Variants in TMEM59 observed in about 807,000 individuals in gnomAD.
TMEM59 encodes dendritic cell factor 1.
Under a neutral mutation model 42.2 loss-of-function variants are expected in TMEM59, and 44 were observed. That is an observed-to-expected ratio of 1.04 (90% CI 0.82 to 1.34). The LOEUF is 1.34. TMEM59 is among the 40% of genes most tolerant of loss of function. The pLI is 0.00. For synonymous variants in TMEM59, 148 were observed against 145.8 expected (o/e 1.02, Z -0.11); for missense variants, 359 against 382.8 (o/e 0.94, Z 0.52).
At chr1:54,044,360 A>AAAAAAAAAAT in intron 3 of TMEM59, 1 of 150,604 alleles carries the variant, frequency 6.6e-6, no homozygotes, top group African/African-American at 2.4e-5. Context: ...AAAAAAAAAA[A>AAAAAAAAAAT]GGATTTTGAC....
intron 3 of TMEM59, among the ~76,000 whole-genome samples, chr1:54,045,176 T>C (rs535787712): frequency 6.6e-6 from 1 of 152,282 alleles, no homozygotes; most frequent in African/African-American, 2.4e-5. Flanking sequence ...CAGTTTGGAC[T>C]TAAATCTATA....
At chr1:54,040,914 TAC>T (rs1387977382) in intron 5 of TMEM59, 77 bp from the exon 6 acceptor site, 1 of 1,111,138 alleles carries the variant, frequency 9.0e-7, no homozygotes, top group Admixed American at 1.8e-5. Context: ...TCTAGATATA[TAC>T]ACTTTACAGA....
intron 1 of TMEM59, 196 bp from the exon 2 acceptor site, chr1:54,047,568 T>C: frequency 2.0e-6 from 1 of 497,298 alleles, no homozygotes; most frequent in Admixed American, 4.2e-5. Flanking sequence ...TTCCTTATTT[T>C]AAAAGTGATA....
At chr1:54,043,965 T>C (rs1171537140) in intron 3 of TMEM59, 1 of 152,138 alleles carries the variant, frequency 6.6e-6, no homozygotes, top group African/African-American at 2.4e-5. Context: ...ATCAGAAGAA[T>C]ATATACATAA....
chr1:54,046,063 G>A (rs1006202769), intron 2 of TMEM59, among the ~76,000 whole-genome samples: 3 of 152,064 alleles, frequency 2.0e-5, no homozygotes, highest in African/African-American at 7.2e-5. Context: ...CTTGTGTGGT[G>A]GAAAATGCAC....
intron 7 of TMEM59, chr1:54,033,593 CTCTG>C (rs1026732408): frequency 3.9e-5 from 5 of 127,850 alleles, no homozygotes; most frequent in African/African-American, 1.6e-4. Context: ...CAGAGTGAGA[CTCTG>C]TCTCACAAAA....
chr1:54,037,003 A>T (rs938537214), intron 6 of TMEM59, among the ~76,000 whole-genome samples: 1 of 152,340 alleles, frequency 6.6e-6, no homozygotes, highest in South Asian at 2.1e-4. Flanking sequence ...TGCTAAATAT[A>T]TAAGGCAAGT....
intron 7 of TMEM59, among the ~76,000 whole-genome samples, chr1:54,032,781 A>G (rs767894880): frequency 3.9e-5 from 6 of 152,236 alleles, no homozygotes; most frequent in Non-Finnish European, 8.8e-5. Flanking sequence ...AATTGTTAAT[A>G]CCATATACAA....
chr1:54,036,654 A>G lies in TMEM59; in HGVS notation c.772T>C (p.Cys258Arg), dbSNP rs760987263. 3.1e-6 allele frequency: 5 copies of G among 1,612,334 alleles called. No individual in the cohort carries two copies. The highest frequency in any genetic ancestry group is 4.2e-6 in the Non-Finnish European group (5 of 1,179,118). Residue 258 changes from cysteine (C) to arginine (R), a missense_variant, in exon 7 of 8, where the codon TGT (cysteine) becomes CGT (arginine). Transcript: ENST00000234831. The part of the protein sequence containing the change: ...LSVMVLLWIC[C>R]ATVATAVEQY... ...TCCACAGCTGTAGCAACAGTTGCACAACAAATCCAAAGCAATACCATCACC... is the reference window on the plus strand; with the variant it reads ...TCCACAGCTGTAGCAACAGTTGCACGACAAATCCAAAGCAATACCATCACC...
At chr1:54,033,968 A>C (rs983414382) in intron 7 of TMEM59, 4 of 151,872 alleles carry the variant, frequency 2.6e-5, no homozygotes, top group African/African-American at 9.7e-5. Flanking sequence ...AAATACAAAA[A>C]TTAGCTGGGT....
intron 7 of TMEM59, chr1:54,034,081 T>C (rs1489912742): frequency 7.3e-6 from 1 of 137,354 alleles, no homozygotes. Context: ...ATCGCACCAC[T>C]GCACTCTAGC....
intron 1 of TMEM59, among the ~76,000 whole-genome samples, chr1:54,052,645 T>C (rs1657589382): frequency 6.6e-6 from 1 of 151,714 alleles, no homozygotes; most frequent in Non-Finnish European, 1.5e-5. Flanking sequence ...CTTTCTACAA[T>C]CCCCCCTTAC....
chr1:54,049,836 A>G (rs1449532856), intron 1 of TMEM59, among the ~76,000 whole-genome samples: 1 of 152,194 alleles, frequency 6.6e-6, no homozygotes, highest in African/African-American at 2.4e-5. Flanking sequence ...TAAAAAATAA[A>G]TAAATAGAAG....
intron 2 of TMEM59, among the ~76,000 whole-genome samples, chr1:54,047,018 A>C (rs942805872): frequency 6.6e-6 from 1 of 152,240 alleles, no homozygotes; most frequent in African/African-American, 2.4e-5. Context: ...TGTCTGACAG[A>C]ATGCTTGGTT....
intron 1 of TMEM59, among the ~76,000 whole-genome samples, chr1:54,048,216 A>G (rs1210008785): frequency 6.6e-6 from 1 of 152,248 alleles, no homozygotes; most frequent in Non-Finnish European, 1.5e-5. Context: ...CTGGGCTTAC[A>G]TTAAATGAAA....
At chr1:54,036,038 C>A (rs564393523) in intron 7 of TMEM59, among the ~76,000 whole-genome samples, 1 of 152,334 alleles carries the variant, frequency 6.6e-6, no homozygotes, top group African/African-American at 2.4e-5. Flanking sequence ...AATCCCAACA[C>A]TTTGGGAGGC....
In TMEM59 at chr1:54,029,876, T is replaced by G. The variant is rs1309034957; in HGVS notation, c.*2274A>C. On this transcript the variant is annotated 3_prime_UTR_variant, in exon 8 of 8. Coordinates refer to ENST00000234831, the MANE Select transcript of TMEM59 (RefSeq NM_004872.5). ...GAAGAGAGATTAAAATGGTTACTCA[T>G]GCTGATGATACTCAAATGCAAACAT... The G allele has an allele frequency of 6.6e-6, 1 of 152,168 alleles. No homozygotes were observed. The highest frequency in any genetic ancestry group is 1.5e-5 in the Non-Finnish European group (1 of 68,010). 9.4% of individuals were successfully genotyped at this position (152,168 alleles called of 1,614,324 possible). A position where few individuals can be genotyped will look rare whatever the true frequency, so the allele number is the denominator to read the frequency against.
chr1:54,045,713 G>A lies in TMEM59; in HGVS notation c.369C>T (p.Phe123=), dbSNP rs146983820. Residue 123 remains phenylalanine (F), a synonymous_variant, in exon 3 of 8, where the codon TTC becomes TTT. Transcript: ENST00000234831. ...GTACTTGTTCTTGTCTCAGTTCAGC[G>A]AATGGCAGCTGATTCTGGCAACCAA... The part of the protein sequence containing the change: ...CHLGCQNQLP[F]AELRQEQLMS... 6.1e-5 allele frequency: 99 copies of A among 1,614,120 alleles called. 2 individuals are homozygous for A. Among genetic ancestry groups the A allele is most frequent in the East Asian group, 3.3e-4 (15 of 44,868 alleles).
At position 54,029,137 on chromosome 1, in the gene TMEM59, A is replaced by G. The variant is rs2100287657; in HGVS notation, c.*3013T>C. 1 of 152,388 alleles carries G rather than the reference A, an allele frequency of 6.6e-6. No homozygotes were observed. Among genetic ancestry groups the G allele is most frequent in the African/African-American group, 2.4e-5 (1 of 41,602 alleles). 9.4% of individuals were successfully genotyped at this position (152,388 alleles called of 1,614,324 possible). ...TTGCCTTTGGCTGGAAGATAAGCTC[A>G]GACAGTGCAGGGTTTTCTGCTGATC... is the stretch of plus-strand genomic sequence containing the variant. On this transcript the variant is annotated 3_prime_UTR_variant, in exon 8 of 8. Coordinates refer to ENST00000234831, the MANE Select transcript of TMEM59 (RefSeq NM_004872.5).
Sources: allele counts gnomAD v4.1 joint callset (sites outside exome capture counted in the v4.1 genomes callset), GRCh38; gene constraint gnomAD v4.1.1; transcripts MANE v1.5; gene names NCBI Gene and HGNC (gene_info 2026-07-23, HGNC 2026-07-21).